Variants in ANO1 observed in about 807,000 individuals in gnomAD.
The protein encoded by ANO1 is anoctamin 1.
A neutral mutation model predicts 124.0 loss-of-function variants in ANO1; 59 were observed. The observed-to-expected ratio is 0.48, with a 90% CI of 0.39 to 0.59. ANO1 has a LOEUF of 0.59. Ranked by LOEUF, ANO1 falls within the 20% of genes least tolerant of loss-of-function variation. ANO1 has a pLI of 0.00. For synonymous variants in ANO1, 529 were observed against 532.0 expected, an observed-to-expected ratio of 0.99 and a Z score of 0.08; for missense variants, 1,059 against 1,328.0, an observed-to-expected ratio of 0.80 and a Z score of 3.15.
chr11:70,180,181 C>CA, intron 23 of ANO1, 125 bp downstream of exon 23: 2 of 863,132 alleles, frequency 2.3e-6, no homozygotes, highest in South Asian at 1.4e-5. Context: ...CCCCAGGCTG[C>CA]CCGGATTCTC....
chr11:69,969,071 C>A, the ANO1 span, among the ~76,000 whole-genome samples: 2 of 152,300 alleles, frequency 1.3e-5, no homozygotes, highest in African/African-American at 4.8e-5. Flanking sequence ...TGAAGCCAGC[C>A]GTGGTCTTTC....
At chr11:70,072,026 G>A (rs554688978) in intron 1 of ANO1, among the ~76,000 whole-genome samples, 9 of 152,268 alleles carry the variant, frequency 5.9e-5, no homozygotes, top group South Asian at 4.2e-4. Flanking sequence ...TCTTGTTAGC[G>A]TGGATAGTAG....
At chr11:70,061,452 CCTT>C (rs202099177) in intron 1 of ANO1, among the ~76,000 whole-genome samples, 1,961 of 151,710 alleles carry the variant, frequency 0.013, 15 homozygotes, top group Non-Finnish European at 0.016. Flanking sequence ...TTTTCTCTCT[CCTT>C]CTCTCTCTCT....
At chr11:70,148,091 C>CG (rs1374247227) in intron 11 of ANO1, among the ~76,000 whole-genome samples, 1 of 152,208 alleles carries the variant, frequency 6.6e-6, no homozygotes, top group East Asian at 1.9e-4. Flanking sequence ...CATAGACTCA[C>CG]GACCTCTGAA....
intron 1 of ANO1, among the ~76,000 whole-genome samples, chr11:70,010,452 G>A (rs1284457960): frequency 6.6e-6 from 1 of 151,674 alleles, no homozygotes; most frequent in Non-Finnish European, 1.5e-5. Context: ...TATTCATGAG[G>A]AATCCACTCC....
At chr11:70,086,275 C>T (rs745352383) in intron 1 of ANO1, among the ~76,000 whole-genome samples, 1 of 152,192 alleles carries the variant, frequency 6.6e-6, no homozygotes, top group Non-Finnish European at 1.5e-5. Flanking sequence ...GATTGCTGAT[C>T]GACCTGTCTG....
intron 9 of ANO1, 100 bp from the exon 10 acceptor site, chr11:70,125,961 C>G: frequency 7.0e-7 from 1 of 1,431,652 alleles, no homozygotes; most frequent in Admixed American, 2.2e-5. Flanking sequence ...GAACCAGTGC[C>G]CCTGGTTTGA....
the ANO1 span, among the ~76,000 whole-genome samples, chr11:69,971,924 G>A: frequency 5.9e-5 from 9 of 152,090 alleles, no homozygotes; most frequent in African/African-American, 2.2e-4. Context: ...CCATTGCAAA[G>A]AAAAGTGAAA....
chr11:70,110,893 T>TG (rs1222209389), intron 6 of ANO1, among the ~76,000 whole-genome samples: 1 of 152,248 alleles, frequency 6.6e-6, no homozygotes, highest in East Asian at 1.9e-4. Context: ...CTCCTGGGGC[T>TG]GGGCGCCCGC....
At chr11:70,041,693 C>A (rs782399512) in intron 1 of ANO1, among the ~76,000 whole-genome samples, 8 of 151,184 alleles carry the variant, frequency 5.3e-5, no homozygotes, top group Non-Finnish European at 1.0e-4. Context: ...TAGAACAAAC[C>A]CTGGTGGGAA....
intron 1 of ANO1, among the ~76,000 whole-genome samples, chr11:70,038,889 G>A (rs957123019): frequency 2.6e-5 from 4 of 152,186 alleles, no homozygotes; most frequent in Non-Finnish European, 4.4e-5. Context: ...AGTGTGAGAG[G>A]AGTGTGTATA....
chr11:70,164,972 G>T (rs2048195412), intron 19 of ANO1, among the ~76,000 whole-genome samples: 1 of 152,206 alleles, frequency 6.6e-6, no homozygotes, highest in South Asian at 2.1e-4. Flanking sequence ...TCCTGGGGCT[G>T]CCGCAACTCG....
Position 70,171,052 on chromosome 11 carries a change from ACGGGC to A in ANO1, c.2350+17_2350+21del. 3 of 1,609,472 alleles carry A rather than the reference ACGGGC, an allele frequency of 1.9e-6. No individual in the cohort carries two copies. The highest frequency in any genetic ancestry group is 2.5e-6 in the Non-Finnish European group (3 of 1,178,028). On this transcript the variant is annotated intron_variant, in intron 22 of 25. Transcript: ENST00000355303. ...GCCAAAGACATCGGTGAGTGACCCC[ACGGGC>A]CGGCAGAACCGGTTCCGAGTGCGTG...
rs111302348 is a variant in ANO1, at chr11:70,079,925, G to T, written c.108+1211G>T. 1.4e-3 allele frequency among the ~76,000 whole-genome samples: 211 copies of T among 152,340 alleles called. 1 individual carries two copies. Among genetic ancestry groups the T allele is most frequent in the African/African-American group, 4.8e-3 (200 of 41,588 alleles). ...TCTTCAGGAAATGAGATTGCACAGAGCTGCCAGGAGCACTGGGAACAGGTG... is the reference window on the plus strand; with the variant it reads ...TCTTCAGGAAATGAGATTGCACAGATCTGCCAGGAGCACTGGGAACAGGTG... On this transcript the variant is annotated intron_variant, in intron 1 of 25. Coordinates refer to ENST00000355303, the MANE Select transcript of ANO1 (RefSeq NM_018043.7).
chr11:70,128,917 G>A (rs1177123455), intron 10 of ANO1, among the ~76,000 whole-genome samples: 5 of 152,234 alleles, frequency 3.3e-5, no homozygotes, highest in South Asian at 2.1e-4. Flanking sequence ...GTTGGTGTAC[G>A]CCTTGGCCCT....
the ANO1 span, among the ~76,000 whole-genome samples, chr11:69,979,361 G>A: frequency 2.0e-5 from 3 of 152,316 alleles, no homozygotes; most frequent in Non-Finnish European, 1.5e-5. Flanking sequence ...GAGCTTTGGA[G>A]TTGACTAGAA....
At chr11:70,170,259 G>C in intron 21 of ANO1, 2 of 431,510 alleles carry the variant, frequency 4.6e-6, no homozygotes, top group Non-Finnish European at 9.2e-6. Context: ...GATGACCACA[G>C]GCTGGGCCTT....
chr11:70,097,004 T>C (rs577730194), intron 2 of ANO1, among the ~76,000 whole-genome samples: 2 of 152,338 alleles, frequency 1.3e-5, no homozygotes, highest in South Asian at 2.1e-4. Context: ...TTTCAGGTCA[T>C]TGAATTTCTT....
chr11:70,063,949 G>C (rs2135120189), intron 1 of ANO1: 1 of 152,228 alleles, frequency 6.6e-6, no homozygotes, highest in Non-Finnish European at 1.5e-5. Flanking sequence ...CAGACTTCTG[G>C]AGTGGATTCA....
Sources: gnomAD v4.1 joint callset for allele counts (sites outside exome capture counted in the v4.1 genomes callset) on GRCh38, gnomAD v4.1.1 for gene constraint, MANE v1.5 for transcripts, NCBI Gene and HGNC (gene_info 2026-07-23, HGNC 2026-07-21) for gene names.